TGFB2: variants seen among roughly 807,000 people sequenced by gnomAD.
The protein encoded by TGFB2 is transforming growth factor beta-2 proprotein.
A neutral mutation model predicts 42.7 loss-of-function variants in TGFB2; 13 were observed. That is an observed-to-expected ratio of 0.30 (90% CI 0.20 to 0.48). The LOEUF is 0.48. Among genes scored for constraint, TGFB2 ranks in the 20% least tolerant of loss-of-function variants. The pLI is 0.99. For synonymous variants in TGFB2, 193 were observed against 193.6 expected (o/e 1.00, Z 0.03); for missense variants, 390 against 517.5 (o/e 0.75, Z 2.39).
intron 1 of TGFB2, among the ~76,000 whole-genome samples, chr1:218,376,703 C>T (rs1036427775): frequency 2.6e-5 from 4 of 152,184 alleles, no homozygotes; most frequent in African/African-American, 9.7e-5. Flanking sequence ...AGTAACATTG[C>T]TTTTGCTGTT....
chr1:218,349,595 A>G (rs1656803476), intron 1 of TGFB2, among the ~76,000 whole-genome samples: 1 of 152,176 alleles, frequency 6.6e-6, no homozygotes, highest in Non-Finnish European at 1.5e-5. Flanking sequence ...GCGTTCAGGG[A>G]GTGACTTCAG....
Position 218,366,484 on chromosome 1 carries a change from A to T in TGFB2, c.346+19437A>T, listed in dbSNP as rs187456963. 5.3e-3 allele frequency among the ~76,000 whole-genome samples: 799 copies of T among 151,444 alleles called. 2 individuals carry two copies. The highest frequency in any genetic ancestry group is 0.014 in the Middle Eastern group (4 of 292). On this transcript the variant is annotated intron_variant, in intron 1 of 6. Coordinates refer to ENST00000366930, the MANE Select transcript of TGFB2 (RefSeq NM_003238.6). ...ACCACACTGGCTAATTAAAAAAAAA[A>T]TTTTTTTTTAGAGATGGGGTCTTGC...
At chr1:218,405,100 C>T in intron 1 of TGFB2, 69 bp from the exon 2 acceptor site, 1 of 1,480,148 alleles carries the variant, frequency 6.8e-7, no homozygotes, top group Non-Finnish European at 9.1e-7. Flanking sequence ...GGGATTATCT[C>T]ACGCTACAGT....
At chr1:218,416,497 G>A (rs1014172945) in intron 2 of TGFB2, among the ~76,000 whole-genome samples, 13 of 152,174 alleles carry the variant, frequency 8.5e-5, no homozygotes, top group African/African-American at 2.7e-4. Context: ...CTGGATTTGC[G>A]AAAGGTAGTG....
rs1373735073 is a variant in TGFB2 at position 218,436,084 on chromosome 1, G to T, written c.869G>T (p.Arg290Ile). 6.2e-7 allele frequency: 1 copy of T among 1,614,036 alleles called. No homozygotes were observed. Among genetic ancestry groups the T allele is most frequent in the African/African-American group, 1.3e-5 (1 of 74,936 alleles). Residue 290 changes from arginine to isoleucine, a missense_variant, in exon 5 of 7, where the codon AGA (arginine) becomes ATA (isoleucine). By Grantham distance (97) the Arg-to-Ile change is moderately conservative. Coordinates refer to ENST00000366930, the MANE Select transcript of TGFB2 (RefSeq NM_003238.6). ...CTGCTAATGTTATTGCCCTCCTACA[G>T]ACTTGAGTCACAACAGACCAACCGG... ...HLLLMLLPSY[R>I]LESQQTNRRK... is the part of the protein sequence containing the mutation.
At chr1:218,359,125 A>G (rs1466177524) in intron 1 of TGFB2, among the ~76,000 whole-genome samples, 2 of 152,134 alleles carry the variant, frequency 1.3e-5, no homozygotes, top group Non-Finnish European at 2.9e-5. Context: ...CCTACCTGGA[A>G]GTAGCCAAGC....
chr1:218,394,682 A>G (rs1284724032), intron 1 of TGFB2, among the ~76,000 whole-genome samples: 3 of 152,134 alleles, frequency 2.0e-5, no homozygotes, highest in Non-Finnish European at 2.9e-5. Flanking sequence ...TGTTACATGT[A>G]ATAGGTGGGA....
chr1:218,388,262 C>T (rs1000789508), intron 1 of TGFB2, among the ~76,000 whole-genome samples: 4 of 152,146 alleles, frequency 2.6e-5, no homozygotes, highest in Admixed American at 1.3e-4. Context: ...TAGGCTGCAC[C>T]GATTGCCTGT....
intron 1 of TGFB2, among the ~76,000 whole-genome samples, chr1:218,391,346 G>A (rs537427304): frequency 5.3e-5 from 8 of 152,294 alleles, no homozygotes; most frequent in Middle Eastern, 3.4e-3. Context: ...GCCCCTGCCC[G>A]TAGACTTGGC....
At chr1:218,429,169 C>T (rs771651321) in intron 2 of TGFB2, among the ~76,000 whole-genome samples, 6 of 151,822 alleles carry the variant, frequency 4.0e-5, no homozygotes, top group African/African-American at 1.2e-4. Context: ...TTAATAGAGA[C>T]GGGGTTTCAC....
intron 4 of TGFB2, among the ~76,000 whole-genome samples, chr1:218,434,890 A>G (rs1277914692): frequency 6.6e-6 from 1 of 152,136 alleles, no homozygotes; most frequent in African/African-American, 2.4e-5. Context: ...TCCATAACTA[A>G]CCTTCCATGT....
rs969135008 is a variant in TGFB2, at chr1:218,345,876, A to G, written c.-826A>G. Among the ~76,000 whole-genome samples, 15 of 151,948 alleles carry G rather than the reference A, an allele frequency of 9.9e-5. No homozygotes were observed. Among genetic ancestry groups the G allele is most frequent in the Admixed American group, 8.5e-4 (13 of 15,292 alleles). ...GCGGCGGCGGCAGCAACGTGGAGTA[A>G]CCAAGCGGGTCAGCGCGCGCCCGCC... On this transcript the variant is annotated 5_prime_UTR_variant, in exon 1 of 7. Transcript: ENST00000366930.
intron 1 of TGFB2, among the ~76,000 whole-genome samples, chr1:218,385,093 G>A (rs1474020133): frequency 6.6e-6 from 1 of 152,094 alleles, no homozygotes; most frequent in African/African-American, 2.4e-5. Flanking sequence ...TAGGATCTGG[G>A]TTTGATTCTA....
At chr1:218,383,151 T>C (rs941348227) in intron 1 of TGFB2, among the ~76,000 whole-genome samples, 9 of 152,222 alleles carry the variant, frequency 5.9e-5, no homozygotes, top group Admixed American at 4.6e-4. Flanking sequence ...ACCTATGTGA[T>C]GGAGTCTTAA....
At chr1:218,415,336 A>T (rs1163581791) in intron 2 of TGFB2, among the ~76,000 whole-genome samples, 4 of 152,022 alleles carry the variant, frequency 2.6e-5, no homozygotes, top group Non-Finnish European at 2.9e-5. Flanking sequence ...CTGTCCCAGG[A>T]GTTTGCTTCA....
chr1:218,412,627 C>T (rs751194004), intron 2 of TGFB2, among the ~76,000 whole-genome samples: 6 of 152,108 alleles, frequency 3.9e-5, no homozygotes, highest in Non-Finnish European at 7.3e-5. Context: ...CTTAGTAATT[C>T]CCAATTAGCT....
intron 5 of TGFB2, among the ~76,000 whole-genome samples, chr1:218,436,449 C>T (rs1659974544): frequency 6.6e-6 from 1 of 152,156 alleles, no homozygotes; most frequent in South Asian, 2.1e-4. Context: ...CAAATAAAAG[C>T]TTATTTGAGG....
chr1:218,374,812 T>A (rs1055699066), intron 1 of TGFB2, among the ~76,000 whole-genome samples: 2 of 152,176 alleles, frequency 1.3e-5, no homozygotes, highest in African/African-American at 4.8e-5. Context: ...GCTCCCTCTG[T>A]GAGTTCAAAC....
At chr1:218,355,311 T>C (rs910325052) in intron 1 of TGFB2, among the ~76,000 whole-genome samples, 1 of 152,210 alleles carries the variant, frequency 6.6e-6, no homozygotes, top group African/African-American at 2.4e-5. Flanking sequence ...CAAGATGATA[T>C]ACAATGAGCA....
Sources: gnomAD v4.1 joint callset for allele counts (sites outside exome capture counted in the v4.1 genomes callset) on GRCh38, gnomAD v4.1.1 for gene constraint, MANE v1.5 for transcripts, NCBI Gene and HGNC (gene_info 2026-07-23, HGNC 2026-07-21) for gene names.